Variants in ABCA10 observed in about 807,000 individuals in gnomAD.
The protein encoded by ABCA10 is ATP binding cassette subfamily A member 10.
ABCA10 carries 169 observed loss-of-function variants against 187.5 expected under a neutral mutation model. The ratio of observed to expected loss-of-function variants is 0.90; its 90% confidence interval spans 0.80 to 1.02. ABCA10 has a LOEUF of 1.02. Ranked by LOEUF, ABCA10 falls within the 50% of genes least tolerant of loss-of-function variation. The pLI is 0.00. For missense variants in ABCA10, 1,727 were observed against 1,812.4 expected (o/e 0.95, Z 0.86); for synonymous variants, 574 against 601.8 (o/e 0.95, Z 0.68).
At chr17:69,223,707 T>A in intron 3 of ABCA10, 1 of 429,304 alleles carries the variant, frequency 2.3e-6, no homozygotes, top group Non-Finnish European at 4.6e-6. Context: ...TCACTGATTT[T>A]CTCTAGGGGT....
At chr17:69,207,737 C>T (rs1211963677) in intron 9 of ABCA10, among the ~76,000 whole-genome samples, 2 of 152,112 alleles carry the variant, frequency 1.3e-5, no homozygotes, top group Non-Finnish European at 2.9e-5. Flanking sequence ...AGAATCTTGG[C>T]TACCAGGGCC....
chr17:69,232,363 T>G (rs1840861954), upstream of ABCA10, among the ~76,000 whole-genome samples: 1 of 152,134 alleles, frequency 6.6e-6, no homozygotes, highest in African/African-American at 2.4e-5. Context: ...AGTAGTGTTT[T>G]GATTTCTTGC....
At position 69,156,855 on chromosome 17, in the gene ABCA10, T is replaced by C; in HGVS notation, c.3432A>G (p.Ile1144Met). Residue 1144 changes from isoleucine (I) to methionine (M), a missense_variant, in exon 28 of 39, where the codon ATA becomes ATG. By Grantham distance (10) the Ile-to-Met change is conservative (BLOSUM62 1). Coordinates refer to ENST00000690296, the MANE Select transcript of ABCA10 (RefSeq NM_001377321.1). ...RCLEMKYGNEIMNKDPVFRIS... is the reference protein window; with the variant it reads ...RCLEMKYGNEMMNKDPVFRIS... The stretch of plus-strand genomic sequence containing the variant: ...ACCTGAAAACTGGGTCTTTATTCAT[T>C]ATTTCATTTCCATACTTCATTTCCA... 1.3e-6 allele frequency: 2 copies of C among 1,585,490 alleles called. No homozygotes were observed. Among genetic ancestry groups the C allele is most frequent in the African/African-American group, 2.7e-5 (2 of 73,490 alleles).
Position 69,166,517 on chromosome 17 carries a change from T to C in ABCA10, c.3163-1434A>G, listed in dbSNP as rs533457592. Among the ~76,000 whole-genome samples, 5 of 152,268 alleles carry C rather than the reference T, an allele frequency of 3.3e-5. No individual in the cohort carries two copies. In the South Asian group the frequency reaches 1.0e-3, roughly 32 times the overall value. On this transcript the variant is annotated intron_variant, in intron 25 of 38. Coordinates refer to ENST00000690296, the MANE Select transcript of ABCA10 (RefSeq NM_001377321.1). ...CAGGCACAAAAACCTTGCACTTTTT[T>C]TGAAATACTTTGAAATCTCACATTG...
At position 69,206,434 on chromosome 17, in the gene ABCA10, C is replaced by G. The variant is rs77540581; in HGVS notation, c.1007-4766G>C. ...ATACCTTCACAAGCGCTAAGGAAAC[C>G]AGCTGACAGAGTACAGCACCTGAGT... On this transcript the variant is annotated intron_variant, in intron 9 of 38. Coordinates refer to ENST00000690296, the MANE Select transcript of ABCA10 (RefSeq NM_001377321.1). 2.6e-3 allele frequency among the ~76,000 whole-genome samples: 394 copies of G among 152,182 alleles called. 2 individuals are homozygous for G. The highest frequency in any genetic ancestry group is 9.1e-3 in the African/African-American group (377 of 41,520).
At chr17:69,176,094 T>TA (rs1177614150) in intron 22 of ABCA10, among the ~76,000 whole-genome samples, 3 of 152,182 alleles carry the variant, frequency 2.0e-5, no homozygotes, top group African/African-American at 7.2e-5. Flanking sequence ...CTATTGTACT[T>TA]AGAGGGCATG....
At chr17:69,156,289 G>C (rs772129843) in intron 28 of ABCA10, among the ~76,000 whole-genome samples, 15 of 152,176 alleles carry the variant, frequency 9.9e-5, no homozygotes, top group South Asian at 8.3e-4. Context: ...AGTTTTTACT[G>C]TACCTTCTCC....
intron 25 of ABCA10, among the ~76,000 whole-genome samples, chr17:69,168,695 T>C (rs543039250): frequency 1.3e-5 from 2 of 152,188 alleles, no homozygotes; most frequent in Non-Finnish European, 2.9e-5. Context: ...AATTCCCATG[T>C]GTTGTGGAAG....
rs756735712 is a variant in ABCA10 at position 69,219,772 on chromosome 17, C to T, written c.304-1G>A. 3 of 1,548,758 alleles carry T rather than the reference C, an allele frequency of 1.9e-6. No individual in the cohort carries two copies. The highest frequency in any genetic ancestry group is 1.7e-6 in the Non-Finnish European group (2 of 1,146,926). On this transcript the variant is annotated splice_acceptor_variant, in intron 5 of 38. Transcript: ENST00000690296. LOFTEE classifies it high-confidence loss of function. ...CCATTACAGAATGATTTGTTGTGAC[C>T]TAAATTGGGACATTAGCAAATTTAT...
chr17:69,182,047 G>T, intron 22 of ABCA10, 106 bp downstream of exon 22: 1 of 1,190,110 alleles, frequency 8.4e-7, no homozygotes, highest in Non-Finnish European at 1.1e-6. Context: ...GAAACTTGCT[G>T]TTAAGTGGCA....
chr17:69,194,398 A>T lies in ABCA10; in HGVS notation c.1332T>A (p.Ser444=). The change falls in exon 12 of 39, where the codon TCT becomes TCA. Residue 444 remains serine, a synonymous_variant. Transcript: ENST00000690296. ...STLLNILSGL[S]VSTEGSATIY... ...CTGTTTTCTCACCTTCTGTAGAAAC[A>T]GACAATCCACTAAGAATGTTTAGCA... The T allele has an allele frequency of 7.0e-7, 1 of 1,421,528 alleles. No individual in the cohort carries two copies. Among genetic ancestry groups the T allele is most frequent in the Non-Finnish European group, 9.4e-7 (1 of 1,060,992 alleles). 88.1% of individuals were successfully genotyped at this position (1,421,528 alleles called of 1,614,324 possible). A position where few individuals can be genotyped will look rare whatever the true frequency, so the allele number is the denominator to read the frequency against.
rs1396986543 is a variant in ABCA10, at chr17:69,188,561, T to C, written c.2132-682A>G. 3.3e-5 allele frequency among the ~76,000 whole-genome samples: 5 copies of C among 151,400 alleles called. No homozygotes were observed. In the South Asian group the frequency reaches 6.3e-4, roughly 19 times the overall value. On this transcript the variant is annotated intron_variant, in intron 18 of 38. Transcript: ENST00000690296. Reference sequence around the variant, plus strand: ...AGGCTTGCTACATGGGTAAACTGTGTGTCATTTAGGTGCAGGCTTGTTACA... The same window carrying C: ...AGGCTTGCTACATGGGTAAACTGTGCGTCATTTAGGTGCAGGCTTGTTACA...
At chr17:69,224,028 A>G (rs1307007292) in intron 3 of ABCA10, among the ~76,000 whole-genome samples, 2 of 152,162 alleles carry the variant, frequency 1.3e-5, no homozygotes, top group African/African-American at 4.8e-5. Flanking sequence ...TCAGGGCAGA[A>G]TCAACACTGT....
At position 69,222,612 on chromosome 17, in the gene ABCA10, A is replaced by G. The variant is rs2074759027; in HGVS notation, c.120T>C (p.Phe40=). ...TCAGGCGATATGAGAAAGTATCACT[A>G]AATATAACTCCCACCATTTCATGGT... The part of the protein sequence containing the change: ...KKYHEMVGVI[F]SDTFSYRLKF... The change falls in exon 4 of 39, where the codon TTT becomes TTC. Residue 40 remains phenylalanine, a synonymous_variant. Coordinates refer to ENST00000690296, the MANE Select transcript of ABCA10 (RefSeq NM_001377321.1). 4 of 1,603,442 alleles carry G rather than the reference A, an allele frequency of 2.5e-6. No individual in the cohort carries two copies. The highest frequency in any genetic ancestry group is 3.4e-6 in the Non-Finnish European group (4 of 1,177,674).
At position 69,216,145 on chromosome 17, in the gene ABCA10, A is replaced by G. The variant is rs571257910; in HGVS notation, c.672+72T>C. 1.3e-4 allele frequency: 200 copies of G among 1,552,462 alleles called. 1 individual carries two copies. In the South Asian group the frequency reaches 2.4e-3, roughly 18 times the overall value. On this transcript the variant is annotated intron_variant, in intron 7 of 38. Coordinates refer to ENST00000690296, the MANE Select transcript of ABCA10 (RefSeq NM_001377321.1). Reference sequence around the variant, plus strand: ...AATATAGTGATTACACTAATATCCCAAAGAAACATTATTTGCTCATGTATC... The same window carrying G: ...AATATAGTGATTACACTAATATCCCGAAGAAACATTATTTGCTCATGTATC...
chr17:69,192,271 T>C (rs1220531693), intron 16 of ABCA10, among the ~76,000 whole-genome samples: 1 of 152,066 alleles, frequency 6.6e-6, no homozygotes, highest in Non-Finnish European at 1.5e-5. Flanking sequence ...TTGCAGCCAC[T>C]GCACTCCAGC....
At chr17:69,225,222 T>G in intron 3 of ABCA10, 103 bp downstream of exon 3, 24 of 1,323,570 alleles carry the variant, frequency 1.8e-5, no homozygotes, top group Non-Finnish European at 2.4e-5. Context: ...TTGCCTCAGT[T>G]GAGAATCACT....
In ABCA10 at chr17:69,178,568, T is replaced by G. The variant is rs182138662; in HGVS notation, c.2770-3055A>C. On this transcript the variant is annotated intron_variant, in intron 22 of 38. Transcript: ENST00000690296. ...AGTGGAAGCACCTCTGGTCTATGAC[T>G]TCTGCTGGCATATAAATCAGCCCCA... 3.8e-3 allele frequency among the ~76,000 whole-genome samples: 583 copies of G among 152,300 alleles called. 5 individuals are homozygous for G. Among genetic ancestry groups the G allele is most frequent in the African/African-American group, 0.014 (562 of 41,564 alleles).
At chr17:69,244,830 C>T (rs189397210) in exon 1 of ABCA10, 124 of 150,662 alleles carry the variant, frequency 8.2e-4, no homozygotes, top group African/African-American at 2.9e-3. Context: ...TCCTATAAAA[C>T]GTTGTTAGTA....
Sources: allele counts gnomAD v4.1 joint callset (sites outside exome capture counted in the v4.1 genomes callset), GRCh38; gene constraint gnomAD v4.1.1; transcripts MANE v1.5; gene names NCBI Gene and HGNC (gene_info 2026-07-23, HGNC 2026-07-21).